PTPRD: variants seen among roughly 807,000 people sequenced by gnomAD.
PTPRD encodes protein tyrosine phosphatase receptor type D, also known as receptor-type tyrosine-protein phosphatase delta.
PTPRD carries 34 observed loss-of-function variants against 214.5 expected under a neutral mutation model. The observed-to-expected ratio is 0.16, with a 90% CI of 0.12 to 0.21. The LOEUF is 0.21. Ranked by LOEUF, PTPRD falls within the 10% of genes least tolerant of loss-of-function variation. The pLI is 1.00. For synonymous variants in PTPRD, 1,128 were observed against 845.7 expected, an observed-to-expected ratio of 1.33 and a Z score of -5.79; for missense variants, 2,545 against 2,398.7, an observed-to-expected ratio of 1.06 and a Z score of -1.27.
intron 5 of PTPRD, among the ~76,000 whole-genome samples, chr9:9,839,372 A>G (rs1421071376): frequency 6.6e-6 from 1 of 152,182 alleles, no homozygotes; most frequent in Non-Finnish European, 1.5e-5. Context: ...TACAAAATCA[A>G]TGTACAAAAA....
At chr9:9,262,956 T>C (rs1297323913) in intron 9 of PTPRD, among the ~76,000 whole-genome samples, 1 of 151,682 alleles carries the variant, frequency 6.6e-6, no homozygotes, top group Admixed American at 6.6e-5. Context: ...AAAACATTTC[T>C]ACTCCCACCC....
intron 7 of PTPRD, among the ~76,000 whole-genome samples, chr9:9,650,955 CAT>C (rs952595628): frequency 6.6e-6 from 1 of 151,916 alleles, no homozygotes; most frequent in Non-Finnish European, 1.5e-5. Context: ...GTGTATAAAA[CAT>C]ATATTTATGA....
intron 8 of PTPRD, among the ~76,000 whole-genome samples, chr9:9,454,045 A>C (rs1180380905): frequency 6.6e-6 from 1 of 151,628 alleles, no homozygotes; most frequent in African/African-American, 2.4e-5. Context: ...TTCCTTATTT[A>C]TATTTCCTGA....
At chr9:8,963,912 C>T (rs1033899172) in intron 11 of PTPRD, among the ~76,000 whole-genome samples, 1 of 152,118 alleles carries the variant, frequency 6.6e-6, no homozygotes, top group African/African-American at 2.4e-5. Flanking sequence ...TTGCACCCAG[C>T]CTAAATTAAC....
At chr9:10,363,991 G>GTTTTTGTTTTT (rs1555222212) in intron 2 of PTPRD, among the ~76,000 whole-genome samples, 1 of 35,132 alleles carries the variant, frequency 2.8e-5, no homozygotes, top group Admixed American at 2.9e-4. Flanking sequence ...ACATTTTCGG[G>GTTTTTGTTTTT]TTTTTTTTTT....
At chr9:8,430,613 T>A in intron 35 of PTPRD, among the ~76,000 whole-genome samples, 1 of 152,082 alleles carries the variant, frequency 6.6e-6, no homozygotes, top group East Asian at 1.9e-4. Flanking sequence ...ATCATCAATA[T>A]CTTTTAAAAT....
chr9:8,692,775 A>G (rs568719680), intron 12 of PTPRD, among the ~76,000 whole-genome samples: 1 of 152,314 alleles, frequency 6.6e-6, no homozygotes, highest in African/African-American at 2.4e-5. Flanking sequence ...TATTTTCCAG[A>G]CTTTTAAGAA....
chr9:10,412,128 C>A (rs1432569007), intron 2 of PTPRD, among the ~76,000 whole-genome samples: 6 of 151,530 alleles, frequency 4.0e-5, no homozygotes, highest in Non-Finnish European at 7.4e-5. Context: ...AGATTTGAAG[C>A]CAAATGAGAA....
chr9:8,679,654 CT>C (rs2154371259), intron 12 of PTPRD, among the ~76,000 whole-genome samples: 1 of 152,338 alleles, frequency 6.6e-6, no homozygotes, highest in African/African-American at 2.4e-5. Context: ...ACAACAGATA[CT>C]GAGATTCAGA....
At chr9:10,599,721 C>T (rs931491263) in intron 2 of PTPRD, among the ~76,000 whole-genome samples, 32 of 151,876 alleles carry the variant, frequency 2.1e-4, no homozygotes, top group African/African-American at 6.7e-4. Context: ...TAAGATTTTA[C>T]ACATATTGAA....
At chr9:8,711,405 AG>A (rs2098329806) in intron 12 of PTPRD, among the ~76,000 whole-genome samples, 1 of 152,184 alleles carries the variant, frequency 6.6e-6, no homozygotes, top group Non-Finnish European at 1.5e-5. Context: ...ACCTTTAAAA[AG>A]GCCTTGATTT....
chr9:8,815,281 G>A (rs1470990459), intron 11 of PTPRD, among the ~76,000 whole-genome samples: 2 of 151,842 alleles, frequency 1.3e-5, no homozygotes, highest in African/African-American at 2.4e-5. Context: ...AAATTTAACT[G>A]GCTTACCTTT....
intron 12 of PTPRD, among the ~76,000 whole-genome samples, chr9:8,655,545 T>C (rs1259675429): frequency 1.3e-5 from 2 of 151,772 alleles, no homozygotes; most frequent in African/African-American, 2.4e-5. Context: ...TAAACAACAA[T>C]ATGAATATGA....
chr9:10,589,768 G>A (rs950422661), intron 2 of PTPRD, among the ~76,000 whole-genome samples: 9 of 151,992 alleles, frequency 5.9e-5, no homozygotes, highest in African/African-American at 2.2e-4. Context: ...CAGGATAAGA[G>A]GAAAGCAAGC....
intron 3 of PTPRD, among the ~76,000 whole-genome samples, chr9:10,070,601 T>C (rs879537774): frequency 6.6e-6 from 1 of 152,042 alleles, no homozygotes; most frequent in Admixed American, 6.6e-5. Flanking sequence ...ATGGAGATCA[T>C]AAAATCACAT....
At chr9:9,094,627 C>T (rs547721293) in intron 10 of PTPRD, among the ~76,000 whole-genome samples, 9 of 151,994 alleles carry the variant, frequency 5.9e-5, no homozygotes, top group Non-Finnish European at 1.2e-4. Flanking sequence ...AATGGAAGAA[C>T]TTATCCATGT....
chr9:10,437,448 T>C (rs2098727328), intron 2 of PTPRD, among the ~76,000 whole-genome samples: 1 of 151,844 alleles, frequency 6.6e-6, no homozygotes, highest in Admixed American at 6.6e-5. Flanking sequence ...TCAGATCATG[T>C]AGCACAAAAT....
intron 3 of PTPRD, among the ~76,000 whole-genome samples, chr9:10,257,434 C>A (rs1595516484): frequency 6.6e-6 from 1 of 152,052 alleles, no homozygotes; most frequent in African/African-American, 2.4e-5. Flanking sequence ...GGCAAAGAGT[C>A]AAAATCACCA....
chr9:8,985,104 G>A (rs2099333212), intron 11 of PTPRD, among the ~76,000 whole-genome samples: 1 of 151,970 alleles, frequency 6.6e-6, no homozygotes, highest in South Asian at 2.1e-4. Context: ...TATTTCTTGT[G>A]CGATCAGAAA....
Sources: allele counts gnomAD v4.1 joint callset (sites outside exome capture counted in the v4.1 genomes callset), GRCh38; gene constraint gnomAD v4.1.1; transcripts MANE v1.5; gene names NCBI Gene and HGNC (gene_info 2026-07-23, HGNC 2026-07-21).